DPP8: variants seen among roughly 807,000 people sequenced by gnomAD.
DPP8 encodes DPP VIII.
In DPP8, 31 loss-of-function variants were observed where a neutral mutation model predicts 107.5. That is an observed-to-expected ratio of 0.29 (90% CI 0.22 to 0.39). DPP8 has a LOEUF of 0.39. Ranked by LOEUF, DPP8 falls within the 10% of genes least tolerant of loss-of-function variation. The pLI is 1.00. For synonymous variants in DPP8, 381 were observed against 356.6 expected, an observed-to-expected ratio of 1.07 and a Z score of -0.77; for missense variants, 842 against 1,076.1, an observed-to-expected ratio of 0.78 and a Z score of 3.04.
chr15:65,483,751 C>T (rs868353587), intron 8 of DPP8, among the ~76,000 whole-genome samples: 11 of 152,012 alleles, frequency 7.2e-5, no homozygotes, highest in African/African-American at 2.4e-4. Context: ...GAAATGAAAA[C>T]ATAAGCCCAC....
At chr15:65,468,778 G>A (rs7174627) in intron 12 of DPP8, among the ~76,000 whole-genome samples, 18,112 of 152,086 alleles carry the variant, frequency 0.12, 1,876 homozygotes, top group African/African-American at 0.29. Context: ...TTGACCTAGC[G>A]GATGGGAGTC....
chr15:65,487,538 CA>C, intron 7 of DPP8, 151 bp downstream of exon 7: 1 of 684,804 alleles, frequency 1.5e-6, no homozygotes, highest in Non-Finnish European at 2.4e-6. Flanking sequence ...CCCTTTAATT[CA>C]AAATCTATTT....
chr15:65,483,373 T>C (rs2067107381), intron 8 of DPP8, among the ~76,000 whole-genome samples: 1 of 151,666 alleles, frequency 6.6e-6, no homozygotes, highest in African/African-American at 2.4e-5. Context: ...AAAAATAAAA[T>C]TAGCGGGGCA....
intron 14 of DPP8, among the ~76,000 whole-genome samples, chr15:65,464,890 G>C (rs545856315): frequency 4.6e-5 from 7 of 152,174 alleles, no homozygotes; most frequent in Admixed American, 3.9e-4. Context: ...AAAGCTGGGT[G>C]GGGGGGTGAG....
intron 12 of DPP8, among the ~76,000 whole-genome samples, chr15:65,468,576 T>G (rs964960901): frequency 6.6e-6 from 1 of 152,144 alleles, no homozygotes; most frequent in African/African-American, 2.4e-5. Flanking sequence ...TTTAAATGCC[T>G]TTTTTCCCCC....
rs2063430690 is a variant in DPP8, at chr15:65,444,796, C to T, written c.*2088G>A. The T allele has an allele frequency of 6.6e-6, 1 of 152,138 alleles. No individual in the cohort carries two copies. Among genetic ancestry groups the T allele is most frequent in the Admixed American group, 6.6e-5 (1 of 15,258 alleles). 9.4% of individuals were successfully genotyped at this position (152,138 alleles called of 1,614,324 possible). Reference sequence around the variant, plus strand: ...AACAGCCTTAATGGGTGAGAGGTTTCAATGGAGTAGCTGCTTAAAAGCTAC... The same window carrying T: ...AACAGCCTTAATGGGTGAGAGGTTTTAATGGAGTAGCTGCTTAAAAGCTAC... On this transcript the variant is annotated 3_prime_UTR_variant, in exon 20 of 20. Transcript: ENST00000300141.
chr15:65,447,083 G>A (rs184767704), intron 19 of DPP8, 77 bp from the exon 20 acceptor site: 2 of 1,168,934 alleles, frequency 1.7e-6, no homozygotes, highest in African/African-American at 1.6e-5. Flanking sequence ...GCTTTCCAGA[G>A]ATTTTTAACA....
Position 65,447,010 on chromosome 15 carries a change from A to C in DPP8, c.2527-4T>G, listed in dbSNP as rs2063527574. The C allele has an allele frequency of 6.4e-7, 1 of 1,551,784 alleles. No individual in the cohort carries two copies. Among genetic ancestry groups the C allele is most frequent in the African/African-American group, 1.4e-5 (1 of 70,978 alleles). The stretch of plus-strand genomic sequence containing the variant: ...TGTGTCTCTCCTGAGGATAGATCTT[A>C]CCAACAACAAAAAATAAAGATACAA... On this transcript the variant is annotated splice_polypyrimidine_tract_variant and splice_region_variant and intron_variant, in intron 19 of 19. Transcript: ENST00000300141.
chr15:65,482,968 G>A (rs2067067964), intron 8 of DPP8, among the ~76,000 whole-genome samples: 1 of 151,838 alleles, frequency 6.6e-6, no homozygotes, highest in South Asian at 2.1e-4. Flanking sequence ...ATCTTGGCGG[G>A]CACCTGTAGT....
chr15:65,514,383 T>C (rs1284547140), intron 1 of DPP8, among the ~76,000 whole-genome samples: 3 of 152,194 alleles, frequency 2.0e-5, no homozygotes, highest in African/African-American at 7.2e-5. Context: ...CACACTGATA[T>C]TTACTGACAG....
intron 2 of DPP8, among the ~76,000 whole-genome samples, chr15:65,509,389 A>G (rs2070471492): frequency 6.6e-6 from 1 of 152,200 alleles, no homozygotes; most frequent in South Asian, 2.1e-4. Context: ...TCCTAGTTCC[A>G]TAATGTCTGC....
chr15:65,447,391 T>C (rs1248025633), intron 19 of DPP8, among the ~76,000 whole-genome samples: 1 of 152,212 alleles, frequency 6.6e-6, no homozygotes, highest in Non-Finnish European at 1.5e-5. Flanking sequence ...GTAAAACTGC[T>C]GGTTAGCATG....
At chr15:65,503,941 T>A (rs1344756377) in intron 3 of DPP8, among the ~76,000 whole-genome samples, 1 of 152,068 alleles carries the variant, frequency 6.6e-6, no homozygotes, top group Non-Finnish European at 1.5e-5. Flanking sequence ...GTATTTTTTT[T>A]AGTAGAGATG....
rs1263534148 is a variant in DPP8, at chr15:65,445,677, A to C, written c.*1207T>G. On this transcript the variant is annotated 3_prime_UTR_variant, in exon 20 of 20. Coordinates refer to ENST00000300141, the MANE Select transcript of DPP8 (RefSeq NM_130434.5). ...AATAATTTTAAAAGGATAAAGTTTAAATTTGTAAGATTTCTAAACCTAAGA... is the reference window on the plus strand; with the variant it reads ...AATAATTTTAAAAGGATAAAGTTTACATTTGTAAGATTTCTAAACCTAAGA... 2.0e-5 allele frequency: 3 copies of C among 153,568 alleles called. No homozygotes were observed. In the Admixed American group the frequency reaches 2.0e-4, roughly 10 times the overall value. 9.5% of individuals were successfully genotyped at this position (153,568 alleles called of 1,614,324 possible).
Position 65,456,267 on chromosome 15 carries a change from A to G in DPP8, c.2076T>C (p.Cys692=), listed in dbSNP as rs2064412395. 6.2e-7 allele frequency: 1 copy of G among 1,613,498 alleles called. No homozygotes were observed. Among genetic ancestry groups the G allele is most frequent in the African/African-American group, 1.3e-5 (1 of 74,908 alleles). ...CGCCTTCAAATTTAAGCCCTCGGTG[A>G]CAGGATCCCCTGTTGTCTATCACTA... ...VVVVIDNRGS[C]HRGLKFEGAF... The change falls in exon 16 of 20, where the codon TGT becomes TGC. Residue 692 remains cysteine (C), a synonymous_variant. Transcript: ENST00000300141.
At chr15:65,515,875 G>C in intron 1 of DPP8, 1 of 585,284 alleles carries the variant, frequency 1.7e-6, no homozygotes, top group South Asian at 2.4e-5. Context: ...CCCCAAAATA[G>C]TAGTTAAAAC....
intron 5 of DPP8, among the ~76,000 whole-genome samples, chr15:65,492,050 A>C (rs1365584660): frequency 6.8e-6 from 1 of 148,072 alleles, no homozygotes; most frequent in Non-Finnish European, 1.5e-5. Context: ...ACTGTGTAAG[A>C]ATTTTTGTGG....
chr15:65,489,987 G>A (rs1381894169), intron 6 of DPP8, among the ~76,000 whole-genome samples: 2 of 152,164 alleles, frequency 1.3e-5, no homozygotes, highest in East Asian at 1.9e-4. Context: ...CCAAAGTGCT[G>A]GGATTACAGG....
chr15:65,512,756 T>A, intron 1 of DPP8, 192 bp from the exon 2 acceptor site: 3 of 595,396 alleles, frequency 5.0e-6, no homozygotes, highest in African/African-American at 1.9e-5. Context: ...AAAATGAAAT[T>A]AAAAAAAAAT....
Sources: allele counts gnomAD v4.1 joint callset (sites outside exome capture counted in the v4.1 genomes callset), GRCh38; gene constraint gnomAD v4.1.1; transcripts MANE v1.5; gene names NCBI Gene and HGNC (gene_info 2026-07-23, HGNC 2026-07-21).